Variants in ZAN observed in about 807,000 individuals in gnomAD.
The protein encoded by ZAN is zonadhesin (gene/pseudogene).
ZAN carries 260 observed loss-of-function variants against 286.2 expected under a neutral mutation model. The observed-to-expected ratio is 0.91, with a 90% CI of 0.82 to 1.01. ZAN has a LOEUF of 1.01. ZAN is among the 50% of genes least tolerant of loss of function. ZAN has a pLI of 0.00. For missense variants in ZAN, 3,410 were observed against 3,639.2 expected (o/e 0.94, Z 1.62); for synonymous variants, 1,368 against 1,417.5 (o/e 0.97, Z 0.79).
rs1216974487 is a variant in ZAN at position 100,759,841 on chromosome 7, C to T, written c.3692C>T (p.Thr1231Ile). Reference protein sequence around the residue: ...STVTLLKGRRTLVGGQQVTLP... With the variant: ...STVTLLKGRRILVGGQQVTLP... ...GTCACCCTGCTTAAGGGCAGACGCA[C>T]TCTGGTGAGCCCCATTCCACCCCCA... Residue 1231 changes from threonine to isoleucine, a missense_variant, in exon 18 of 48, where the codon ACT (threonine) becomes ATT (isoleucine). By Grantham distance (89) the Thr-to-Ile change is moderately conservative (BLOSUM62 -1). This residue lies in a region of ZAN where 1,042 missense variants were observed against 1,058.0 expected (regional missense o/e 0.98). Coordinates refer to ENST00000613979, the MANE Select transcript of ZAN (RefSeq NM_003386.3). 1 of 1,612,648 alleles carries T rather than the reference C, an allele frequency of 6.2e-7. No individual in the cohort carries two copies. Among genetic ancestry groups the T allele is most frequent in the South Asian group, 1.1e-5 (1 of 90,746 alleles).
chr7:100,737,045 G>T lies in ZAN; in HGVS notation c.490G>T (p.Val164Phe). 6.7e-7 allele frequency: 1 copy of T among 1,499,072 alleles called. No individual in the cohort carries two copies. Among genetic ancestry groups the T allele is most frequent in the South Asian group, 1.2e-5 (1 of 85,832 alleles). 92.9% of individuals were successfully genotyped at this position (1,499,072 alleles called of 1,614,324 possible). Residue 164 changes from valine (V) to phenylalanine (F), a missense_variant, in exon 5 of 48, where the codon GTC (valine) becomes TTC (phenylalanine). Val to Phe is a conservative substitution (Grantham distance 50). This residue lies in a region of ZAN where 872 missense variants were observed against 938.9 expected (regional missense o/e 0.93). Transcript: ENST00000613979. ...TQRPSWMLTT[V>F]TVPAGFTLPT... ...GAGACCCTCCTGGATGCTCACCACC[G>T]TCACTGTGCCCGCAGGGTTCACCCT...
Position 100,746,619 on chromosome 7 carries a change from C to T in ZAN, c.848C>T (p.Ser283Phe), listed in dbSNP as rs1808237917. ...CTCCTGAGCCCCGTGAGCCTGTCCT[C>T]TGGCTGTCTGAGCTTTTCCTTCCAC... is the stretch of plus-strand genomic sequence containing the variant. ...AVLLSPVSLSSGCLSFSFHYI... is the reference protein window; with the variant it reads ...AVLLSPVSLSFGCLSFSFHYI... Residue 283 changes from serine to phenylalanine, a missense_variant, in exon 8 of 48, where the codon TCT (serine) becomes TTT (phenylalanine). Coordinates refer to ENST00000613979, the MANE Select transcript of ZAN (RefSeq NM_003386.3). 1 of 1,614,028 alleles carries T rather than the reference C, an allele frequency of 6.2e-7. No homozygotes were observed.
intron 35 of ZAN, among the ~76,000 whole-genome samples, 180 bp from the exon 36 acceptor site, chr7:100,784,443 T>C (rs1811426605): frequency 1.3e-5 from 2 of 151,936 alleles, no homozygotes; most frequent in African/African-American, 2.4e-5. Context: ...TTCCTTGCTT[T>C]CCCCCAAAGC....
rs770500755 is a variant in ZAN, at chr7:100,793,857, T to C, written c.7825T>C (p.Tyr2609His). The change falls in exon 43 of 48, where the codon TAT (tyrosine) becomes CAT (histidine). Residue 2609 changes from tyrosine to histidine, a missense_variant. Physicochemically the swap from Tyr to His is moderately conservative, Grantham distance 83. Coordinates refer to ENST00000613979, the MANE Select transcript of ZAN (RefSeq NM_003386.3). ...VSSRYHISELYDTLPSILCQP... is the reference protein window; with the variant it reads ...VSSRYHISELHDTLPSILCQP... ...CAGCAGGTACCATATATCAGAGCTG[T>C]ATGACACCCTGCCCAGCATCCTGTG... 1.2e-5 allele frequency: 20 copies of C among 1,612,788 alleles called. No individual in the cohort carries two copies. The highest frequency in any genetic ancestry group is 1.7e-5 in the Non-Finnish European group (20 of 1,179,312).
chr7:100,736,414 C>T, intron 3 of ZAN, 69 bp from the exon 4 acceptor site: 4 of 1,449,772 alleles, frequency 2.8e-6, no homozygotes, highest in Non-Finnish European at 3.8e-6. Flanking sequence ...TGCTACTTCC[C>T]TCTCCCTGTG....
At position 100,737,089 on chromosome 7, in the gene ZAN, G is replaced by A. The variant is rs1562909523; in HGVS notation, c.525+9G>A. 15 of 1,488,254 alleles carry A rather than the reference G, an allele frequency of 1.0e-5. 2 individuals are homozygous for A. Among genetic ancestry groups the A allele is most frequent in the East Asian group, 2.4e-5 (1 of 42,168 alleles). 92.2% of individuals were successfully genotyped at this position (1,488,254 alleles called of 1,614,324 possible). Reference sequence around the variant, plus strand: ...TCACCCTGCCCACCCGGGTAAGGCCGGGGACAAATTGTGGGACCTCGGGGG... The same window carrying A: ...TCACCCTGCCCACCCGGGTAAGGCCAGGGACAAATTGTGGGACCTCGGGGG... On this transcript the variant is annotated intron_variant, in intron 5 of 47. Transcript: ENST00000613979.
In ZAN at chr7:100,772,019, C is replaced by A. The variant is rs761969008; in HGVS notation, c.5424C>A (p.Cys1808Ter). ...CTGCCTGGCGGAACAGAACCTTCTG[C>A]CGTGAGTGACTGGCCACCTGTTCCC... Reference protein sequence around the residue: ...QAPAWRNRTFCPMRCPPGSSY... With the variant: ...QAPAWRNRTF Residue 1808 changes from cysteine to a stop codon, truncating the protein, a stop_gained and splice_region_variant, in exon 29 of 48, where the codon TGC becomes TGA. Coordinates refer to ENST00000613979, the MANE Select transcript of ZAN (RefSeq NM_003386.3). LOFTEE classifies it high-confidence loss of function. The A allele has an allele frequency of 6.9e-6, 11 of 1,591,216 alleles. No individual in the cohort carries two copies. Among genetic ancestry groups the A allele is most frequent in the Non-Finnish European group, 8.5e-6 (10 of 1,170,136 alleles).
Position 100,750,707 on chromosome 7 carries a change from C to T in ZAN, c.1332C>T (p.Ala444=), listed in dbSNP as rs1438768116. The part of the protein sequence containing the change: ...SVRLVSRPFC[A]PGDICVEFAY... ...GACTGGTGAGCCGGCCCTTCTGCGC[C>T]CCAGGTGACATCTGCGTGGAGTTCG... The change falls in exon 12 of 48, where the codon GCC becomes GCT. Residue 444 remains alanine (A), a synonymous_variant. Transcript: ENST00000613979. 3.1e-6 allele frequency: 5 copies of T among 1,613,126 alleles called. No homozygotes were observed. In the African/African-American group the frequency reaches 5.3e-5, roughly 17 times the overall value.
rs373704697 is a variant in ZAN, at chr7:100,750,059, AACAC to A, written c.1250-529_1250-526del. On this transcript the variant is annotated intron_variant, in intron 11 of 47. Coordinates refer to ENST00000613979, the MANE Select transcript of ZAN (RefSeq NM_003386.3). The stretch of plus-strand genomic sequence containing the variant: ...GAGCGAGACTCCATCTCAAAAAAAC[AACAC>A]ACACACACACACACACACACACACA... 6.3e-3 allele frequency among the ~76,000 whole-genome samples: 770 copies of A among 122,248 alleles called. 8 individuals carry two copies. Among genetic ancestry groups the A allele is most frequent in the South Asian group, 0.032 (110 of 3,472 alleles). 80.2% of individuals were successfully genotyped at this position (122,248 alleles called of 152,430 possible). A position where few individuals can be genotyped will look rare whatever the true frequency, so the allele number is the denominator to read the frequency against.
intron 8 of ZAN, among the ~76,000 whole-genome samples, chr7:100,747,219 T>G (rs1808288180): frequency 1.3e-5 from 2 of 151,044 alleles, no homozygotes; most frequent in African/African-American, 4.9e-5. Flanking sequence ...AAACCTTGTC[T>G]CTACTAAAAA....
chr7:100,795,298 G>A lies in ZAN; in HGVS notation c.8228G>A (p.Cys2743Tyr), dbSNP rs1356003979. Residue 2743 changes from cysteine (C) to tyrosine (Y), a missense_variant, in exon 45 of 48, where the codon TGT becomes TAT. Cys to Tyr is a radical substitution (Grantham distance 194). Transcript: ENST00000613979. ...ECEVGYGGGL[C>Y]MEPRDAPPPR... ...GAAGTTGGTTACGGGGGAGGCCTGT[G>A]TATGGAGCCTCGAGATGCGCCACCT... The A allele has an allele frequency of 6.2e-7, 1 of 1,606,308 alleles. No homozygotes were observed. The highest frequency in any genetic ancestry group is 1.3e-5 in the African/African-American group (1 of 74,522).
chr7:100,777,511 C>T (rs947814967), intron 34 of ZAN, among the ~76,000 whole-genome samples: 2 of 152,034 alleles, frequency 1.3e-5, no homozygotes, highest in East Asian at 1.9e-4. Flanking sequence ...CACACCACCA[C>T]GCCCCACGTC....
chr7:100,747,032 C>T (rs1025833824), intron 8 of ZAN, among the ~76,000 whole-genome samples: 4 of 151,816 alleles, frequency 2.6e-5, no homozygotes, highest in Non-Finnish European at 5.9e-5. Context: ...TGCAGTGAGC[C>T]GAGATCGCGC....
At chr7:100,785,514 A>G (rs945034975) in intron 36 of ZAN, among the ~76,000 whole-genome samples, 5 of 152,054 alleles carry the variant, frequency 3.3e-5, no homozygotes, top group Admixed American at 6.6e-5. Flanking sequence ...TACAGGTGTG[A>G]GCCACCACAC....
chr7:100,752,988 A>G lies in ZAN; in HGVS notation c.2883A>G (p.Lys961=), dbSNP rs746054150. The change falls in exon 14 of 48, where the codon AAA becomes AAG. Residue 961 remains lysine (K), a synonymous_variant. Transcript: ENST00000613979. ...AAAAACTCACCATCCCCACAGAAAA[A>G]CCCACCATCTCCACGGAAAAACCCA... ...SPEKLTIPTE[K]PTISTEKPTI... The G allele has an allele frequency of 1.2e-6, 2 of 1,607,400 alleles. No individual in the cohort carries two copies. The highest frequency in any genetic ancestry group is 1.7e-6 in the Non-Finnish European group (2 of 1,177,384).
intron 39 of ZAN, among the ~76,000 whole-genome samples, chr7:100,789,814 G>A (rs944892453): frequency 2.0e-5 from 3 of 151,966 alleles, no homozygotes. Flanking sequence ...GTGTGGTGGT[G>A]GGCGCCTGTA....
intron 37 of ZAN, among the ~76,000 whole-genome samples, chr7:100,786,977 G>A (rs1401162962): frequency 6.6e-6 from 1 of 152,078 alleles, no homozygotes; most frequent in Non-Finnish European, 1.5e-5. Context: ...CAGGAGAATT[G>A]CTTGAGCTCA....
chr7:100,787,927 C>T lies in ZAN; in HGVS notation c.7018C>T (p.Leu2340Phe), dbSNP rs750204634. ...QCSVYGDPRY[L>F]TFDGFSYRLQ... ...CTCAGTCTATGGCGACCCCCGTTACCTCACATTTGACGGCTTCAGCTACCG... is the reference window on the plus strand; with the variant it reads ...CTCAGTCTATGGCGACCCCCGTTACTTCACATTTGACGGCTTCAGCTACCG... Residue 2340 changes from leucine to phenylalanine, a missense_variant, in exon 38 of 48, where the codon CTC (leucine) becomes TTC (phenylalanine). Around this residue, in one of 7 missense-constraint regions of ZAN, gnomAD observed 1,289 missense variants for 1,314.3 expected, o/e 0.98. Coordinates refer to ENST00000613979, the MANE Select transcript of ZAN (RefSeq NM_003386.3). The T allele has an allele frequency of 1.3e-6, 2 of 1,575,690 alleles. No individual in the cohort carries two copies. Among genetic ancestry groups the T allele is most frequent in the South Asian group, 2.3e-5 (2 of 85,678 alleles).
chr7:100,795,506 TATATTA>T (rs1812305060), intron 45 of ZAN, among the ~76,000 whole-genome samples, 170 bp downstream of exon 45: 1 of 149,424 alleles, frequency 6.7e-6, no homozygotes. Flanking sequence ...TGGATATTAA[TATATTA>T]ATATATCTTG....
Sources: gnomAD v4.1 joint callset for allele counts (sites outside exome capture counted in the v4.1 genomes callset) on GRCh38, gnomAD v4.1.1 for gene constraint, gnomAD v4.1.1 regional missense constraint, MANE v1.5 for transcripts, NCBI Gene and HGNC (gene_info 2026-07-23, HGNC 2026-07-21) for gene names.